The following MYOZ2 variants were observed in gnomAD, a reference collection of about 807,000 sequenced individuals.
The protein encoded by MYOZ2 is myozenin-2.
In MYOZ2, 19 loss-of-function variants were observed where a neutral mutation model predicts 25.4. The ratio of observed to expected loss-of-function variants is 0.75; its 90% CI spans 0.52 to 1.10. The LOEUF is 1.10. Ranked by LOEUF, MYOZ2 falls within the 50% of genes least tolerant of loss-of-function variation. MYOZ2 has a pLI of 0.00. For missense variants in MYOZ2, 270 were observed against 317.9 expected (o/e 0.85, Z 1.15); for synonymous variants, 92 against 106.9 (o/e 0.86, Z 0.86).
intron 5 of MYOZ2, among the ~76,000 whole-genome samples, chr4:119,172,286 C>G (rs1269627036): frequency 1.3e-5 from 2 of 152,198 alleles, no homozygotes; most frequent in African/African-American, 4.8e-5. Context: ...TTAATTCACG[C>G]AGAGCTGGCT....
At chr4:119,162,383 G>A (rs1741729338) in intron 4 of MYOZ2, among the ~76,000 whole-genome samples, 1 of 152,162 alleles carries the variant, frequency 6.6e-6, no homozygotes, top group African/African-American at 2.4e-5. Flanking sequence ...GGGAAGAGCT[G>A]GCCAGTTAGG....
intron 5 of MYOZ2, among the ~76,000 whole-genome samples, chr4:119,167,805 A>T (rs546660768): frequency 6.6e-6 from 1 of 152,250 alleles, no homozygotes; most frequent in Non-Finnish European, 1.5e-5. Flanking sequence ...GGAAAAGCAA[A>T]GCCTGAATGA....
intron 5 of MYOZ2, among the ~76,000 whole-genome samples, chr4:119,171,151 G>C (rs1463131343): frequency 6.6e-6 from 1 of 151,910 alleles, no homozygotes; most frequent in Non-Finnish European, 1.5e-5. Flanking sequence ...AATAATACAA[G>C]AGTAATAAAT....
intron 4 of MYOZ2, 129 bp downstream of exon 4, chr4:119,158,280 C>A: frequency 7.7e-7 from 1 of 1,297,622 alleles, no homozygotes; most frequent in Non-Finnish European, 1.1e-6. Context: ...TGTTTTTGGG[C>A]CCCAGGCACG....
rs902789657 is a variant in MYOZ2, at chr4:119,164,472, C to G, written c.560+78C>G. The G allele has an allele frequency of 8.9e-6, 13 of 1,462,644 alleles. No individual in the cohort carries two copies. In the African/African-American group the frequency reaches 1.7e-4, roughly 19 times the overall value. 90.6% of individuals were successfully genotyped at this position (1,462,644 alleles called of 1,614,324 possible). A position where few individuals can be genotyped will look rare whatever the true frequency, so the allele number is the denominator to read the frequency against. On this transcript the variant is annotated intron_variant, in intron 5 of 5. Transcript: ENST00000307128. ...CATCATGGTACAGATAACTGAATTCCCTGGTAGAAAGCAATTTTTTCTTTT... is the reference window on the plus strand; with the variant it reads ...CATCATGGTACAGATAACTGAATTCGCTGGTAGAAAGCAATTTTTTCTTTT...
At chr4:119,156,840 G>A (rs973791784) in intron 3 of MYOZ2, among the ~76,000 whole-genome samples, 2 of 152,252 alleles carry the variant, frequency 1.3e-5, no homozygotes, top group Non-Finnish European at 2.9e-5. Flanking sequence ...AGGCTTTTTT[G>A]GAATGCTGCA....
chr4:119,184,627 A>C (rs1283814736), intron 5 of MYOZ2, among the ~76,000 whole-genome samples: 1 of 152,170 alleles, frequency 6.6e-6, no homozygotes, highest in Non-Finnish European at 1.5e-5. Flanking sequence ...GGTCTCTTTC[A>C]CTAGAATGTA....
intron 4 of MYOZ2, among the ~76,000 whole-genome samples, chr4:119,159,969 G>A (rs1432802036): frequency 6.6e-6 from 1 of 152,042 alleles, no homozygotes; most frequent in Non-Finnish European, 1.5e-5. Flanking sequence ...CAGGTAATAG[G>A]GTCTGTATCT....
chr4:119,175,196 A>G (rs1488219264), intron 5 of MYOZ2, among the ~76,000 whole-genome samples: 1 of 152,176 alleles, frequency 6.6e-6, no homozygotes, highest in African/African-American at 2.4e-5. Context: ...AAATGTTTTC[A>G]TTTATAAGAG....
chr4:119,171,673 T>G (rs929378171), intron 5 of MYOZ2, among the ~76,000 whole-genome samples: 2 of 150,552 alleles, frequency 1.3e-5, no homozygotes, highest in Non-Finnish European at 3.0e-5. Context: ...GGCCAAAGAT[T>G]TATTTTGTCA....
At chr4:119,149,984 C>A (rs978301061) in intron 2 of MYOZ2, among the ~76,000 whole-genome samples, 1 of 152,074 alleles carries the variant, frequency 6.6e-6, no homozygotes, top group Non-Finnish European at 1.5e-5. Context: ...CCTAATGGCC[C>A]AATTTTTCTT....
intron 3 of MYOZ2, among the ~76,000 whole-genome samples, chr4:119,156,918 A>C (rs1398323047): frequency 1.5e-4 from 23 of 152,074 alleles, no homozygotes; most frequent in Admixed American, 1.5e-3. Context: ...ATGGAGATAA[A>C]CTTTATTTCC....
chr4:119,151,805 C>G (rs979240326), intron 3 of MYOZ2, among the ~76,000 whole-genome samples: 1 of 151,980 alleles, frequency 6.6e-6, no homozygotes, highest in African/African-American at 2.4e-5. Flanking sequence ...ATGACTTCAA[C>G]AAATATGTTT....
chr4:119,137,001 A>C (rs933972110), intron 2 of MYOZ2, among the ~76,000 whole-genome samples: 5 of 152,112 alleles, frequency 3.3e-5, no homozygotes, highest in African/African-American at 7.2e-5. Flanking sequence ...TAAATCACTC[A>C]AAATAAGTTC....
intron 5 of MYOZ2, among the ~76,000 whole-genome samples, chr4:119,182,296 G>T (rs866396482): frequency 1.3e-5 from 2 of 152,172 alleles, no homozygotes; most frequent in African/African-American, 4.8e-5. Context: ...TTGAAGTATA[G>T]TTGGCTTTAC....
intron 2 of MYOZ2, among the ~76,000 whole-genome samples, chr4:119,140,283 G>A (rs958931822): frequency 5.9e-5 from 9 of 152,254 alleles, no homozygotes; most frequent in South Asian, 2.1e-4. Context: ...CATGAAGACC[G>A]CTTTTACTTC....
At chr4:119,140,222 G>T (rs1741132236) in intron 2 of MYOZ2, among the ~76,000 whole-genome samples, 1 of 152,152 alleles carries the variant, frequency 6.6e-6, no homozygotes, top group Non-Finnish European at 1.5e-5. Flanking sequence ...GACATAAATT[G>T]CAAGGACTCC....
At chr4:119,183,422 GAA>G (rs376455906) in intron 5 of MYOZ2, among the ~76,000 whole-genome samples, 7 of 145,762 alleles carry the variant, frequency 4.8e-5, no homozygotes, top group African/African-American at 1.5e-4. Flanking sequence ...AGCAGAGAGA[GAA>G]AAAAAAAAGA....
chr4:119,166,696 C>T (rs1366537591), intron 5 of MYOZ2, among the ~76,000 whole-genome samples: 1 of 152,136 alleles, frequency 6.6e-6, no homozygotes, highest in Non-Finnish European at 1.5e-5. Context: ...TTTGTGGCAA[C>T]CCTGTGTCAA....
Sources: gnomAD v4.1 joint callset for allele counts (sites outside exome capture counted in the v4.1 genomes callset) on GRCh38, gnomAD v4.1.1 for gene constraint, MANE v1.5 for transcripts, NCBI Gene and HGNC (gene_info 2026-07-23, HGNC 2026-07-21) for gene names.